The following FCGRT variants were observed in gnomAD, a reference collection of about 807,000 sequenced individuals.
FCGRT encodes the protein IgG receptor FcRn large subunit p51.
Under a neutral mutation model 35.7 loss-of-function variants are expected in FCGRT, and 13 were observed. The ratio of observed to expected loss-of-function variants is 0.36; its 90% CI spans 0.24 to 0.58. FCGRT has a LOEUF of 0.58. FCGRT is among the 20% of genes least tolerant of loss of function. The probability of loss-of-function intolerance (pLI) is 0.77; values close to 1 mark genes in which losing one functional copy is unlikely to be tolerated. For missense variants in FCGRT, 455 were observed against 474.9 expected, an observed-to-expected ratio of 0.96 and a Z score of 0.39; for synonymous variants, 233 against 216.5, an observed-to-expected ratio of 1.08 and a Z score of -0.67.
rs754226688 is a variant in FCGRT at position 49,524,784 on chromosome 19, C to T, written c.871+8C>T. On this transcript the variant is annotated splice_region_variant and intron_variant, in intron 5 of 6. Coordinates refer to ENST00000221466, the MANE Select transcript of FCGRT (RefSeq NM_001136019.3). ...CCCTCAGGGTGGAGCTGGGTGAGGT[C>T]CCGCCAGGTGGTGATGCTCCTGGTT... is the stretch of plus-strand genomic sequence containing the variant. The T allele has an allele frequency of 2.5e-6, 4 of 1,597,500 alleles. No individual in the cohort carries two copies. The African/African-American group carries it at 5.3e-5, about 21-fold the overall frequency.
chr19:49,524,231 T>C (rs559248954), intron 4 of FCGRT, among the ~76,000 whole-genome samples: 1 of 152,224 alleles, frequency 6.6e-6, no homozygotes, highest in South Asian at 2.1e-4. Flanking sequence ...GGTCTCGAAC[T>C]CCTGACCTCA....
rs1259852571 is a variant in FCGRT at position 49,525,534 on chromosome 19, G to T, written c.949G>T (p.Gly317Ter). ...VLLLTAAAVGGALLWRRMRSG... is the reference protein window; with the variant it reads ...VLLLTAAAVG Reference sequence around the variant, plus strand: ...GCTACTCACGGCAGCGGCTGTAGGAGGAGCTCTGTTGTGGAGAAGGATGAG... The same window carrying T: ...GCTACTCACGGCAGCGGCTGTAGGATGAGCTCTGTTGTGGAGAAGGATGAG... Residue 317 changes from glycine to a stop codon, truncating the protein, a stop_gained, in exon 6 of 7, where the codon GGA becomes TGA. Transcript: ENST00000221466. LOFTEE classifies it low-confidence loss of function (END_TRUNC). 2.5e-6 allele frequency: 4 copies of T among 1,613,740 alleles called. No homozygotes were observed. The highest frequency in any genetic ancestry group is 3.4e-6 in the Non-Finnish European group (4 of 1,179,972).
chr19:49,524,441 C>T (rs903542788), intron 4 of FCGRT, 66 bp from the exon 5 acceptor site: 23 of 1,537,732 alleles, frequency 1.5e-5, no homozygotes, highest in African/African-American at 1.4e-5. Flanking sequence ...CTTTCTGTCC[C>T]TATCCAGCCC....
intron 4 of FCGRT, chr19:49,520,796 A>G (rs1481811922): frequency 6.6e-6 from 1 of 152,256 alleles, no homozygotes; most frequent in Admixed American, 6.5e-5. Flanking sequence ...TAGTGAACAT[A>G]AAGCAGAAGC....
At chr19:49,517,985 C>G (rs1372280186) in intron 4 of FCGRT, among the ~76,000 whole-genome samples, 1 of 152,146 alleles carries the variant, frequency 6.6e-6, no homozygotes, top group Non-Finnish European at 1.5e-5. Flanking sequence ...GCCACCGCGC[C>G]TGGCCAATTT....
intron 4 of FCGRT, among the ~76,000 whole-genome samples, chr19:49,522,740 T>C (rs984019820): frequency 4.0e-5 from 6 of 149,134 alleles, no homozygotes; most frequent in African/African-American, 1.5e-4. Context: ...CCTGAATCTA[T>C]ATTTATGAGA....
chr19:49,525,349 G>T lies in FCGRT; in HGVS notation c.872-108G>T, dbSNP rs2080068035. ...CTCGCCTCTGCCCATCAGACACTTG[G>T]TGCTGGAATCTCCGAGGCTGGGAGG... On this transcript the variant is annotated intron_variant, in intron 5 of 6. Transcript: ENST00000221466. 27 of 846,416 alleles carry T rather than the reference G, an allele frequency of 3.2e-5. No individual in the cohort carries two copies. In the South Asian group the frequency reaches 3.6e-4, roughly 11 times the overall value. 52.4% of individuals were successfully genotyped at this position (846,416 alleles called of 1,614,324 possible). A position where few individuals can be genotyped will look rare whatever the true frequency, so the allele number is the denominator to read the frequency against.
At position 49,513,932 on chromosome 19, in the gene FCGRT, C is replaced by G. The variant is rs756598475; in HGVS notation, c.124C>G (p.Pro42Ala). 31 of 1,613,572 alleles carry G rather than the reference C, an allele frequency of 1.9e-5. No individual in the cohort carries two copies. The South Asian group carries it at 3.1e-4, about 16-fold the overall frequency. The change falls in exon 3 of 7, where the codon CCG (proline) becomes GCG (alanine). Residue 42 changes from proline (P) to alanine (A), a missense_variant. Pro to Ala is a conservative substitution (Grantham distance 27). Transcript: ENST00000221466. ...YHLTAVSSPA[P>A]GTPAFWVSGW... ...CCTTACCGCGGTGTCCTCGCCTGCC[C>G]CGGGGACTCCTGCCTTCTGGGTGTC...
chr19:49,523,426 C>T (rs1050746393), intron 4 of FCGRT, among the ~76,000 whole-genome samples: 3 of 151,794 alleles, frequency 2.0e-5, no homozygotes, highest in African/African-American at 7.3e-5. Context: ...AATTACCCGG[C>T]ATGGTGGTGC....
In FCGRT at chr19:49,526,224, G is replaced by A. The variant is rs1347465689; in HGVS notation, c.*105G>A. On this transcript the variant is annotated 3_prime_UTR_variant, in exon 7 of 7. Coordinates refer to ENST00000221466, the MANE Select transcript of FCGRT (RefSeq NM_001136019.3). ...TCTGAGCCTCCAGAAGGGGTTCTGG[G>A]CCTAGTTGTCCTCCCTCTGGAGCCC... 4 of 758,802 alleles carry A rather than the reference G, an allele frequency of 5.3e-6. No individual in the cohort carries two copies. Among genetic ancestry groups the A allele is most frequent in the Admixed American group, 2.1e-5 (1 of 47,044 alleles). The allele number at this position is 758,802 out of a possible 1,614,324, so 47.0% of individuals were successfully genotyped here.
rs760561124 is a variant in FCGRT, at chr19:49,513,970, C to T, written c.162C>T (p.Gly54=). The part of the protein sequence containing the change: ...TPAFWVSGWL[G]PQQYLSYNSL... Reference sequence around the variant, plus strand: ...CCTTCTGGGTGTCCGGCTGGCTGGGCCCGCAGCAGTACCTGAGCTACAATA... The same window carrying T: ...CCTTCTGGGTGTCCGGCTGGCTGGGTCCGCAGCAGTACCTGAGCTACAATA... The change falls in exon 3 of 7, where the codon GGC becomes GGT. Residue 54 remains glycine, a synonymous_variant. Coordinates refer to ENST00000221466, the MANE Select transcript of FCGRT (RefSeq NM_001136019.3). The T allele has an allele frequency of 4.1e-5, 66 of 1,613,996 alleles. 1 individual carries two copies. The South Asian group carries it at 6.9e-4, about 17-fold the overall frequency.
intron 4 of FCGRT, among the ~76,000 whole-genome samples, chr19:49,517,205 T>A (rs1430037869): frequency 6.7e-6 from 1 of 149,864 alleles, no homozygotes; most frequent in African/African-American, 2.5e-5. Flanking sequence ...AAAAAAAATA[T>A]GGTGGCCAGG....
At chr19:49,520,043 G>C (rs2080031632) in intron 4 of FCGRT, among the ~76,000 whole-genome samples, 1 of 151,248 alleles carries the variant, frequency 6.6e-6, no homozygotes, top group African/African-American at 2.4e-5. Flanking sequence ...ATGTTGGGCA[G>C]GCTGGTCTTG....
In FCGRT at chr19:49,525,326, C is replaced by G. The variant is rs532594766; in HGVS notation, c.872-131C>G. The G allele has an allele frequency of 1.7e-4, 129 of 756,572 alleles. 1 individual carries two copies. The South Asian group carries it at 1.8e-3, about 11-fold the overall frequency. 46.9% of individuals were successfully genotyped at this position (756,572 alleles called of 1,614,324 possible). A position where few individuals can be genotyped will look rare whatever the true frequency, so the allele number is the denominator to read the frequency against. On this transcript the variant is annotated intron_variant, in intron 5 of 6. Transcript: ENST00000221466. ...TCTGCCCAGATCGCCTGCCTGGCCT[C>G]GCCTCTGCCCATCAGACACTTGGTG...
At chr19:49,522,660 C>T (rs1010486926) in intron 4 of FCGRT, among the ~76,000 whole-genome samples, 8 of 151,322 alleles carry the variant, frequency 5.3e-5, no homozygotes, top group Non-Finnish European at 1.2e-4. Context: ...TCTCGACCTC[C>T]TGACCTCGTG....
intron 4 of FCGRT, among the ~76,000 whole-genome samples, chr19:49,522,042 T>C (rs917739919): frequency 5.3e-5 from 8 of 151,998 alleles, no homozygotes; most frequent in African/African-American, 1.7e-4. Context: ...GTTTATCGAC[T>C]TCAATTTATA....
Position 49,526,192 on chromosome 19 carries a change from T to C in FCGRT, c.*73T>C, listed in dbSNP as rs1025810560. 1.0e-6 allele frequency: 1 copy of C among 985,038 alleles called. No homozygotes were observed. Among genetic ancestry groups the C allele is most frequent in the African/African-American group, 1.6e-5 (1 of 63,050 alleles). The allele number at this position is 985,038 out of a possible 1,614,324, so 61.0% of individuals were successfully genotyped here. On this transcript the variant is annotated 3_prime_UTR_variant, in exon 7 of 7. Coordinates refer to ENST00000221466, the MANE Select transcript of FCGRT (RefSeq NM_001136019.3). ...CATGCTGTGAGACCTCCTGGAACAC[T>C]GGCATCTCTGAGCCTCCAGAAGGGG...
At chr19:49,519,717 C>T (rs1714136031) in intron 4 of FCGRT, among the ~76,000 whole-genome samples, 1 of 151,756 alleles carries the variant, frequency 6.6e-6, no homozygotes, top group South Asian at 2.1e-4. Context: ...CAAACATCTG[C>T]TTGCTTCTGT....
chr19:49,513,668 C>CCT (rs998781319), intron 2 of FCGRT, 195 bp downstream of exon 2: 18 of 476,060 alleles, frequency 3.8e-5, no homozygotes, highest in South Asian at 1.1e-4. Flanking sequence ...TGTCTGTTTC[C>CCT]CTCTCTCTCT....
Sources: allele counts gnomAD v4.1 joint callset (sites outside exome capture counted in the v4.1 genomes callset), GRCh38; gene constraint gnomAD v4.1.1; transcripts MANE v1.5; gene names NCBI Gene and HGNC (gene_info 2026-07-23, HGNC 2026-07-21).